Variants in XYLT2 observed in about 807,000 individuals in gnomAD.
XYLT2 encodes UDP-D-xylose:proteoglycan core protein beta-D-xylosyltransferase.
A neutral mutation model predicts 82.6 loss-of-function variants in XYLT2; 37 were observed. The ratio of observed to expected loss-of-function variants is 0.45; its 90% confidence interval spans 0.34 to 0.59. XYLT2 has a LOEUF of 0.59. Among genes scored for constraint, XYLT2 ranks in the 20% least tolerant of loss-of-function variants. XYLT2 has a pLI of 0.01. For missense variants in XYLT2, 934 were observed against 1,181.3 expected (o/e 0.79, Z 3.07); for synonymous variants, 474 against 499.0 (o/e 0.95, Z 0.67).
intron 1 of XYLT2, among the ~76,000 whole-genome samples, chr17:50,351,527 G>A (rs539408665): frequency 4.6e-5 from 7 of 152,218 alleles, no homozygotes; most frequent in Middle Eastern, 3.4e-3. Context: ...CCAGCCTCTC[G>A]GGAGGCTGAG....
rs767605731 is a variant in XYLT2, at chr17:50,356,810, G to A, written c.1745+37G>A. On this transcript the variant is annotated intron_variant, in intron 8 of 10. Transcript: ENST00000017003. The stretch of plus-strand genomic sequence containing the variant: ...TTCTGACATACAGCAGGCCCTTGGG[G>A]TGTGGTGCCCTAGGGGGAGGCCAAC... The A allele has an allele frequency of 3.2e-6, 5 of 1,578,694 alleles. No homozygotes were observed. In the African/African-American group the frequency reaches 5.4e-5, roughly 17 times the overall value.
In XYLT2 at chr17:50,347,123, C is replaced by T. The variant is rs568514515; in HGVS notation, c.135+848C>T. 3.9e-5 allele frequency among the ~76,000 whole-genome samples: 6 copies of T among 152,254 alleles called. No homozygotes were observed. In the East Asian group the frequency reaches 9.7e-4, roughly 25 times the overall value. ...TCAGCGGGAGGCTCAGACACCTCAGCGGTGTGGTGAGGAAGGGTCCATTGG... is the reference window on the plus strand; with the variant it reads ...TCAGCGGGAGGCTCAGACACCTCAGTGGTGTGGTGAGGAAGGGTCCATTGG... On this transcript the variant is annotated intron_variant, in intron 1 of 10. Transcript: ENST00000017003.
At chr17:50,354,615 G>C (rs765900882) in intron 3 of XYLT2, 32 bp downstream of exon 3, 3 of 1,584,602 alleles carry the variant, frequency 1.9e-6, no homozygotes, top group South Asian at 2.2e-5. Flanking sequence ...AAGGGGTCTG[G>C]GATGAGCAGA....
intron 9 of XYLT2, chr17:50,357,722 C>T (rs1001565220): frequency 3.1e-5 from 5 of 163,890 alleles, no homozygotes; most frequent in Non-Finnish European, 6.6e-5. Flanking sequence ...ACTACAGGCG[C>T]GCGCCACCAC....
Position 50,357,301 on chromosome 17 carries a change from G to A in XYLT2, c.1941+49G>A, listed in dbSNP as rs1471906261. Reference sequence around the variant, plus strand: ...TTCTCCCAACCCCCACCCAGACTTGGGGTAGTGGGAAGAGAGGGACAGACA... The same window carrying A: ...TTCTCCCAACCCCCACCCAGACTTGAGGTAGTGGGAAGAGAGGGACAGACA... On this transcript the variant is annotated intron_variant, in intron 9 of 10. Transcript: ENST00000017003. The A allele has an allele frequency of 3.4e-6, 5 of 1,491,830 alleles. No homozygotes were observed. In the African/African-American group the frequency reaches 4.2e-5, roughly 13 times the overall value. 92.4% of individuals were successfully genotyped at this position (1,491,830 alleles called of 1,614,324 possible).
rs899269662 is a variant in XYLT2 at position 50,346,916 on chromosome 17, G to T, written c.135+641G>T. On this transcript the variant is annotated intron_variant, in intron 1 of 10. Coordinates refer to ENST00000017003, the MANE Select transcript of XYLT2 (RefSeq NM_022167.4). The surrounding 1 kb of genome is among the most constrained non-coding windows in gnomAD (Gnocchi z 5.1). The stretch of plus-strand genomic sequence containing the variant: ...CCTGGATGGGTCTCCGGAGGGCAGG[G>T]AGAGGAGGAACTGAGCTGGTGAGTT... 8.1e-6 allele frequency: 8 copies of T among 985,304 alleles called. No individual in the cohort carries two copies. The African/African-American group carries it at 1.4e-4, about 17-fold the overall frequency. 61.0% of individuals were successfully genotyped at this position (985,304 alleles called of 1,614,324 possible). A position where few individuals can be genotyped will look rare whatever the true frequency, so the allele number is the denominator to read the frequency against.
intron 1 of XYLT2, among the ~76,000 whole-genome samples, chr17:50,348,330 A>C (rs1028280973): frequency 6.6e-6 from 1 of 152,176 alleles, no homozygotes; most frequent in Non-Finnish European, 1.5e-5. Flanking sequence ...TGGGCAGGAG[A>C]GTTCAGGCAG....
In XYLT2 at chr17:50,354,838, G is replaced by A. The variant is rs536318185; in HGVS notation, c.805-16G>A. On this transcript the variant is annotated splice_polypyrimidine_tract_variant and intron_variant, in intron 3 of 10. Coordinates refer to ENST00000017003, the MANE Select transcript of XYLT2 (RefSeq NM_022167.4). ...CGATAACACTGGAGGCTAGCTGAGT[G>A]TCTCCTCCCCACCAGCGTTCCGACT... 1.9e-6 allele frequency: 3 copies of A among 1,612,442 alleles called. No homozygotes were observed. The African/African-American group carries it at 4.0e-5, about 21-fold the overall frequency.
At chr17:50,357,331 G>C (rs750026714) in intron 9 of XYLT2, 79 bp downstream of exon 9, 16 of 1,388,584 alleles carry the variant, frequency 1.2e-5, no homozygotes, top group Middle Eastern at 5.2e-4. Flanking sequence ...CAGACACCAA[G>C]GGAGGGGTAA....
chr17:50,359,988 C>G lies in XYLT2; in HGVS notation c.2295C>G (p.His765Gln). 1 of 1,605,492 alleles carries G rather than the reference C, an allele frequency of 6.2e-7. No homozygotes were observed. Among genetic ancestry groups the G allele is most frequent in the Non-Finnish European group, 8.5e-7 (1 of 1,174,896 alleles). ...PLRKDDASWL[H>Q]AGPPHNEYME... ...CCACAGATGATGCCAGCTGGCTGCACGCAGGGCCACCCCACAACGAGTACA... is the reference window on the plus strand; with the variant it reads ...CCACAGATGATGCCAGCTGGCTGCAGGCAGGGCCACCCCACAACGAGTACA... Residue 765 changes from histidine (H) to glutamine (Q), a missense_variant, in exon 11 of 11, where the codon CAC becomes CAG. This residue lies in a region of XYLT2 where 374 missense variants were observed against 465.6 expected (regional missense o/e 0.80). Coordinates refer to ENST00000017003, the MANE Select transcript of XYLT2 (RefSeq NM_022167.4).
chr17:50,348,078 A>T (rs550142489), intron 1 of XYLT2, among the ~76,000 whole-genome samples: 1 of 152,168 alleles, frequency 6.6e-6, no homozygotes, highest in East Asian at 1.9e-4. Flanking sequence ...TTATTATCCC[A>T]GCACTGTGCA....
rs1389710692 is a variant in XYLT2 at position 50,346,129 on chromosome 17, C to T, written c.-12C>T. 2.6e-5 allele frequency: 32 copies of T among 1,217,674 alleles called. No homozygotes were observed. The highest frequency in any genetic ancestry group is 3.3e-5 in the Non-Finnish European group (32 of 956,190). The allele number at this position is 1,217,674 out of a possible 1,614,324, so 75.4% of individuals were successfully genotyped here. A position where few individuals can be genotyped will look rare whatever the true frequency, so the allele number is the denominator to read the frequency against. On this transcript the variant is annotated 5_prime_UTR_variant, in exon 1 of 11. Transcript: ENST00000017003. The surrounding 1 kb of genome is among the most constrained non-coding windows in gnomAD (Gnocchi z 5.1). ...CAGGGCTGGGCGCGCGCCCCGCGTC[C>T]CGGGCAGGAAGATGGTGGCGAGCGC...
rs1732538961 is a variant in XYLT2 at position 50,360,046 on chromosome 17, C to T, written c.2353C>T (p.Leu785=). The change falls in exon 11 of 11, where the codon CTG becomes TTG. Residue 785 remains leucine, a synonymous_variant. Coordinates refer to ENST00000017003, the MANE Select transcript of XYLT2 (RefSeq NM_022167.4). ...EQSFQGLSSI[L]NLPQPELAEE... ...GAGTTTCCAGGGCCTGAGTAGCATC[C>T]TGAACCTGCCTCAGCCGGAGCTCGC... The T allele has an allele frequency of 6.2e-7, 1 of 1,613,954 alleles. No individual in the cohort carries two copies. Among genetic ancestry groups the T allele is most frequent in the East Asian group, 2.2e-5 (1 of 44,878 alleles).
At chr17:50,356,058 C>G (rs889096897) in intron 6 of XYLT2, 27 bp from the exon 7 acceptor site, 92 of 1,614,000 alleles carry the variant, frequency 5.7e-5, no homozygotes, top group Non-Finnish European at 7.5e-5. Flanking sequence ...CTGCAGCTCA[C>G]CTTCCACTCT....
At chr17:50,348,686 G>C (rs1049579076) in intron 1 of XYLT2, among the ~76,000 whole-genome samples, 4 of 152,148 alleles carry the variant, frequency 2.6e-5, no homozygotes, top group Admixed American at 6.5e-5. Context: ...GGTGGGGTAT[G>C]GGGGGAGCAT....
chr17:50,356,872 G>A (rs1474721263), intron 8 of XYLT2, 99 bp downstream of exon 8: 12 of 1,509,912 alleles, frequency 7.9e-6, no homozygotes, highest in Non-Finnish European at 7.9e-6. Flanking sequence ...CAAGGCCCCA[G>A]TCTGAAGCAG....
chr17:50,355,134 G>A (rs1912462983), intron 4 of XYLT2, 78 bp downstream of exon 4: 2 of 1,420,244 alleles, frequency 1.4e-6, no homozygotes, highest in African/African-American at 2.9e-5. Flanking sequence ...GGCTTTGGTG[G>A]ACCTTCTCTG....
In XYLT2 at chr17:50,354,489, T is replaced by A. The variant is rs1310769656; in HGVS notation, c.710T>A (p.Met237Lys). The change falls in exon 3 of 11, where the codon ATG becomes AAG. Residue 237 changes from methionine (M) to lysine (K), a missense_variant. Physicochemically the swap from Met to Lys is moderately conservative, Grantham distance 95. Coordinates refer to ENST00000017003, the MANE Select transcript of XYLT2 (RefSeq NM_022167.4). ...GGCCCCCCGGTGCGAATCGCCTACA[T>A]GCTGGTGGTTCACGGCCGCGCCATC... The part of the protein sequence containing the change: ...MDGPPVRIAY[M>K]LVVHGRAIRQ... 1.2e-6 allele frequency: 2 copies of A among 1,613,332 alleles called. No individual in the cohort carries two copies. The highest frequency in any genetic ancestry group is 3.3e-5 in the Admixed American group (2 of 60,006).
chr17:50,349,172 AACTC>A (rs1385835784), intron 1 of XYLT2, among the ~76,000 whole-genome samples: 1 of 152,156 alleles, frequency 6.6e-6, no homozygotes. Flanking sequence ...CCAGCTTCCT[AACTC>A]ACTGATACTG....
Sources: allele counts gnomAD v4.1 joint callset (sites outside exome capture counted in the v4.1 genomes callset), GRCh38; gene constraint gnomAD v4.1.1; regional missense constraint gnomAD v4.1.1; non-coding constraint Gnocchi (gnomAD v3.1); transcripts MANE v1.5; gene names NCBI Gene and HGNC (gene_info 2026-07-23, HGNC 2026-07-21).